Variants in WWOX observed in about 807,000 individuals in gnomAD.
WWOX encodes the protein WW domain-containing oxidoreductase.
A neutral mutation model predicts 46.2 loss-of-function variants in WWOX; 69 were observed. The ratio of observed to expected loss-of-function variants is 1.49; its 90% CI spans 1.23 to 1.82. The LOEUF is 1.82. WWOX is among the 40% of genes most tolerant of loss of function. The pLI, the probability that WWOX is intolerant of heterozygous loss-of-function variation, is 0.00. For synonymous variants in WWOX, 359 were observed against 202.6 expected (o/e 1.77, Z -6.56); for missense variants, 919 against 542.6 (o/e 1.69, Z -6.89).
chr16:79,177,612 A>G lies in WWOX; in HGVS notation c.1057-33996A>G, dbSNP rs570367900. On this transcript the variant is annotated intron_variant, in intron 8 of 8. Coordinates refer to ENST00000566780, the MANE Select transcript of WWOX (RefSeq NM_016373.4). ...TGGAGTGGGGGAAAAAAGTGGGAGCATCAGCTGAAAACCCACTTTATTTGG... is the reference window on the plus strand; with the variant it reads ...TGGAGTGGGGGAAAAAAGTGGGAGCGTCAGCTGAAAACCCACTTTATTTGG... Among the ~76,000 whole-genome samples the G allele has an allele frequency of 5.3e-5, 8 of 152,278 alleles. No individual in the cohort carries two copies. The South Asian group carries it at 1.5e-3, about 28-fold the overall frequency.
At chr16:78,685,459 A>G (rs2047832570) in intron 8 of WWOX, among the ~76,000 whole-genome samples, 2 of 152,180 alleles carry the variant, frequency 1.3e-5, no homozygotes, top group African/African-American at 4.8e-5. Flanking sequence ...CTTTTGTTAT[A>G]AATCTTCACC....
In WWOX at chr16:78,409,858, C is replaced by T. The variant is rs946701347; in HGVS notation, c.606-15012C>T. On this transcript the variant is annotated intron_variant, in intron 6 of 8. Coordinates refer to ENST00000566780, the MANE Select transcript of WWOX (RefSeq NM_016373.4). Reference sequence around the variant, plus strand: ...GCCCTGTAGTCCCATTTCCCTCTAGCCACAATCGGGAAAGGATCTCAGGAC... The same window carrying T: ...GCCCTGTAGTCCCATTTCCCTCTAGTCACAATCGGGAAAGGATCTCAGGAC... Among the ~76,000 whole-genome samples the T allele has an allele frequency of 6.6e-5, 10 of 152,316 alleles. No homozygotes were observed. The East Asian group carries it at 1.4e-3, about 21-fold the overall frequency.
At chr16:78,108,277 G>A (rs1239567819) in intron 1 of WWOX, 146 bp from the exon 2 acceptor site, 2 of 771,916 alleles carry the variant, frequency 2.6e-6, no homozygotes, top group Non-Finnish European at 4.3e-6. Flanking sequence ...TGACCCCGTA[G>A]CTGGGGTCAC....
chr16:78,386,821 C>G (rs1307244315), intron 5 of WWOX, 39 bp from the exon 6 acceptor site: 10 of 1,557,888 alleles, frequency 6.4e-6, no homozygotes, highest in Non-Finnish European at 8.9e-6. Flanking sequence ...ACTACACTTG[C>G]TGTTATTTAT....
chr16:78,265,001 C>A, intron 5 of WWOX: 1 of 69,418 alleles, frequency 1.4e-5, no homozygotes, highest in Non-Finnish European at 2.6e-5. Flanking sequence ...TTCTTTCTTT[C>A]TTTTTTTTTT....
At chr16:78,510,280 A>C (rs2085330465) in intron 8 of WWOX, among the ~76,000 whole-genome samples, 1 of 152,150 alleles carries the variant, frequency 6.6e-6, no homozygotes, top group African/African-American at 2.4e-5. Flanking sequence ...ATCTCCACTC[A>C]CCGCAAGCTC....
intron 8 of WWOX, among the ~76,000 whole-genome samples, chr16:79,092,032 C>T (rs1410063005): frequency 1.3e-5 from 2 of 152,058 alleles, no homozygotes; most frequent in African/African-American, 2.4e-5. Flanking sequence ...TTTCTCGCCT[C>T]GGCCTCCCAA....
chr16:78,579,467 C>T (rs968230325), intron 8 of WWOX, among the ~76,000 whole-genome samples: 4 of 152,062 alleles, frequency 2.6e-5, no homozygotes, highest in African/African-American at 4.8e-5. Context: ...GCGTGAGTTC[C>T]TCTTAAGTGA....
At chr16:78,469,217 T>C (rs1467083553) in intron 8 of WWOX, among the ~76,000 whole-genome samples, 1 of 152,154 alleles carries the variant, frequency 6.6e-6, no homozygotes, top group Admixed American at 6.5e-5. Context: ...CTGAGAAGCA[T>C]AATTGAGCCT....
intron 5 of WWOX, among the ~76,000 whole-genome samples, chr16:78,368,094 G>A (rs1029634476): frequency 3.9e-5 from 6 of 152,226 alleles, no homozygotes; most frequent in East Asian, 1.9e-4. Context: ...AGCAGATTTC[G>A]CTGCTTTTTC....
rs933744803 is a variant in WWOX at position 78,579,406 on chromosome 16, C to G, written c.1056+146654C>G. 3.3e-5 allele frequency among the ~76,000 whole-genome samples: 5 copies of G among 152,118 alleles called. No homozygotes were observed. In the South Asian group the frequency reaches 1.0e-3, roughly 32 times the overall value. ...AAATTGAAGGGTAAACTGAGTTCAC[C>G]AGGCAAACTGAGGAAGGGTACTCAG... On this transcript the variant is annotated intron_variant, in intron 8 of 8. Coordinates refer to ENST00000566780, the MANE Select transcript of WWOX (RefSeq NM_016373.4).
At chr16:78,512,650 G>C (rs1290697355) in intron 8 of WWOX, among the ~76,000 whole-genome samples, 1 of 152,072 alleles carries the variant, frequency 6.6e-6, no homozygotes, top group Non-Finnish European at 1.5e-5. Context: ...AAGATTTCTG[G>C]GTGGGACTTC....
chr16:78,376,073 C>T (rs1238752358), intron 5 of WWOX, among the ~76,000 whole-genome samples: 2 of 152,128 alleles, frequency 1.3e-5, no homozygotes, highest in Non-Finnish European at 2.9e-5. Flanking sequence ...TGTTCTCGAA[C>T]TCCTGACCTC....
chr16:78,839,207 G>A (rs2052072025), intron 8 of WWOX, among the ~76,000 whole-genome samples: 1 of 151,862 alleles, frequency 6.6e-6, no homozygotes, highest in African/African-American at 2.4e-5. Context: ...AATCACCCAC[G>A]AGCCCACCAC....
chr16:78,739,441 C>T (rs1297223827), intron 8 of WWOX, among the ~76,000 whole-genome samples: 1 of 152,144 alleles, frequency 6.6e-6, no homozygotes, highest in African/African-American at 2.4e-5. Flanking sequence ...TCTTCGGTTC[C>T]TCCAAGCTCT....
chr16:78,685,048 G>T (rs541922946), intron 8 of WWOX, among the ~76,000 whole-genome samples: 1 of 152,208 alleles, frequency 6.6e-6, no homozygotes, highest in East Asian at 1.9e-4. Flanking sequence ...TTTTTTCTCT[G>T]TGCTGTTCAC....
At chr16:78,714,609 A>T (rs942385858) in intron 8 of WWOX, among the ~76,000 whole-genome samples, 1 of 152,192 alleles carries the variant, frequency 6.6e-6, no homozygotes, top group African/African-American at 2.4e-5. Flanking sequence ...GCAAAAAGTC[A>T]GTTACTTAAA....
At chr16:78,747,702 T>C (rs975410283) in intron 8 of WWOX, among the ~76,000 whole-genome samples, 3 of 152,198 alleles carry the variant, frequency 2.0e-5, no homozygotes, top group Non-Finnish European at 4.4e-5. Flanking sequence ...TTTCCTCGAT[T>C]ACTGTCTGCC....
At chr16:79,068,258 CTG>C (rs2048478622) in intron 8 of WWOX, among the ~76,000 whole-genome samples, 1 of 152,190 alleles carries the variant, frequency 6.6e-6, no homozygotes, top group Admixed American at 6.5e-5. Flanking sequence ...AATGCCATGA[CTG>C]TGTCAAGCAC....
Sources: gnomAD v4.1 joint callset for allele counts (sites outside exome capture counted in the v4.1 genomes callset) on GRCh38, gnomAD v4.1.1 for gene constraint, MANE v1.5 for transcripts, NCBI Gene and HGNC (gene_info 2026-07-23, HGNC 2026-07-21) for gene names.